CTNNA2: variants seen among roughly 807,000 people sequenced by gnomAD.
The protein encoded by CTNNA2 is catenin alpha 2, also known as catenin alpha-2.
Under a neutral mutation model 101.0 loss-of-function variants are expected in CTNNA2, and 42 were observed. The ratio of observed to expected loss-of-function variants is 0.42; its 90% confidence interval spans 0.32 to 0.54. The LOEUF is 0.54. Ranked by LOEUF, CTNNA2 falls within the 20% of genes least tolerant of loss-of-function variation. The pLI is 0.14. For missense variants in CTNNA2, 871 were observed against 1,223.1 expected, an observed-to-expected ratio of 0.71 and a Z score of 4.29; for synonymous variants, 450 against 456.4, an observed-to-expected ratio of 0.99 and a Z score of 0.18.
chr2:79,785,149 A>G (rs750567624), intron 3 of CTNNA2, among the ~76,000 whole-genome samples: 5 of 152,114 alleles, frequency 3.3e-5, no homozygotes, highest in Admixed American at 6.5e-5. Flanking sequence ...GTGTAGCCAG[A>G]GTGATCTTCT....
At chr2:79,805,965 A>G (rs1273647969) in intron 3 of CTNNA2, among the ~76,000 whole-genome samples, 3 of 152,066 alleles carry the variant, frequency 2.0e-5, no homozygotes, top group Admixed American at 2.0e-4. Context: ...AGTTTATAAG[A>G]AAAGAAAGAA....
rs551460972 is a variant in CTNNA2, at chr2:79,800,506, TA to T, written c.298+55932del. 4.8e-3 allele frequency among the ~76,000 whole-genome samples: 736 copies of T among 152,050 alleles called. 4 individuals carry two copies. The highest frequency in any genetic ancestry group is 6.4e-3 in the South Asian group (31 of 4,812). On this transcript the variant is annotated intron_variant, in intron 3 of 18. Transcript: ENST00000402739. ...CAAAATTGAAAAATACAGGAAATGC[TA>T]AAAAAAAGTCAGCTCAGATAATATT...
At chr2:79,263,054 C>T (rs1405620777) in intron 2 of CTNNA2, among the ~76,000 whole-genome samples, 1 of 151,984 alleles carries the variant, frequency 6.6e-6, no homozygotes, top group African/African-American at 2.4e-5. Context: ...ATAGAGTAGT[C>T]TATAAGATAC....
intron 7 of CTNNA2, among the ~76,000 whole-genome samples, chr2:80,038,984 G>A (rs1695854047): frequency 6.6e-6 from 1 of 152,204 alleles, no homozygotes; most frequent in African/African-American, 2.4e-5. Flanking sequence ...AGCTGAGACA[G>A]GAAGGCAGTC....
At chr2:80,320,770 A>G (rs1678602521) in intron 7 of CTNNA2, among the ~76,000 whole-genome samples, 1 of 152,246 alleles carries the variant, frequency 6.6e-6, no homozygotes, top group South Asian at 2.1e-4. Context: ...AGCTGTTTTT[A>G]CATAACCACA....
chr2:79,407,906 C>T (rs548055936), intron 4 of CTNNA2, among the ~76,000 whole-genome samples: 2 of 152,158 alleles, frequency 1.3e-5, no homozygotes, highest in African/African-American at 2.4e-5. Context: ...ACATAGTGTT[C>T]AGGATGTCAT....
chr2:80,354,374 C>T (rs1281122000), intron 7 of CTNNA2, among the ~76,000 whole-genome samples: 2 of 151,970 alleles, frequency 1.3e-5, no homozygotes, highest in Non-Finnish European at 2.9e-5. Context: ...TCTTTTTGTC[C>T]AATGCCATCA....
rs397973299 is a variant in CTNNA2, at chr2:79,294,241, G to GAAGAAGAA, written c.-405-18468_-405-18467insAAGAAGAA. On this transcript the variant is annotated intron_variant, in intron 2 of 21. Coordinates refer to the CTNNA2 transcript ENST00000466387. ...AAGAAGAAGAAGAAGAAGAAGAAGA[G>GAAGAAGAA]GAGGAGGAGGAGGAGGAGGAGAAGT... Among the ~76,000 whole-genome samples the GAAGAAGAA allele has an allele frequency of 2.2e-3, 292 of 133,246 alleles. 1 individual carries two copies. Among genetic ancestry groups the GAAGAAGAA allele is most frequent in the African/African-American group, 6.0e-3 (212 of 35,564 alleles). 87.4% of individuals were successfully genotyped at this position (133,246 alleles called of 152,430 possible).
chr2:80,039,039 G>C (rs1216464745), intron 7 of CTNNA2, among the ~76,000 whole-genome samples: 4 of 152,094 alleles, frequency 2.6e-5, no homozygotes, highest in Admixed American at 1.3e-4. Flanking sequence ...GATAATGCAG[G>C]GAGTGGAGGT....
At position 79,447,886 on chromosome 2, in the gene CTNNA2, G is replaced by A. The variant is rs553574465; in HGVS notation, c.-134-57168G>A. ...TTCTGGCTGCATTGATCTAACTGGAGGAGGGGCAAGAAGTTAAATATCAGT... is the reference window on the plus strand; with the variant it reads ...TTCTGGCTGCATTGATCTAACTGGAAGAGGGGCAAGAAGTTAAATATCAGT... On this transcript the variant is annotated intron_variant, in intron 4 of 21. Coordinates refer to the CTNNA2 transcript ENST00000466387. Among the ~76,000 whole-genome samples, 5 of 152,136 alleles carry A rather than the reference G, an allele frequency of 3.3e-5. No homozygotes were observed. The South Asian group carries it at 6.2e-4, about 19-fold the overall frequency.
intron 2 of CTNNA2, among the ~76,000 whole-genome samples, chr2:79,234,971 C>T (rs550743583): frequency 6.6e-6 from 1 of 152,274 alleles, no homozygotes; most frequent in Admixed American, 6.5e-5. Flanking sequence ...CAACTTTCTC[C>T]TTGATCCCAT....
intron 7 of CTNNA2, among the ~76,000 whole-genome samples, chr2:79,998,547 C>T (rs768234759): frequency 1.1e-4 from 16 of 152,140 alleles, no homozygotes; most frequent in Non-Finnish European, 1.8e-4. Context: ...ATATGGCAGA[C>T]TTGGAGCCTG....
chr2:79,823,251 T>C (rs1678159691), intron 3 of CTNNA2, among the ~76,000 whole-genome samples: 1 of 152,200 alleles, frequency 6.6e-6, no homozygotes, highest in Non-Finnish European at 1.5e-5. Context: ...ATTACCCAGG[T>C]ATAGGTTATA....
intron 4 of CTNNA2, among the ~76,000 whole-genome samples, chr2:79,480,709 T>C (rs1279479877): frequency 6.6e-6 from 1 of 152,222 alleles, no homozygotes; most frequent in African/African-American, 2.4e-5. Flanking sequence ...ATTTCAGCAA[T>C]AATGTTTTAT....
intron 9 of CTNNA2, among the ~76,000 whole-genome samples, chr2:80,479,752 T>C (rs1686005488): frequency 6.6e-6 from 1 of 152,210 alleles, no homozygotes; most frequent in South Asian, 2.1e-4. Flanking sequence ...TAGAAAGGGA[T>C]GTCCTCTAAT....
At chr2:79,935,927 G>T (rs1392248739) in intron 7 of CTNNA2, among the ~76,000 whole-genome samples, 1 of 152,196 alleles carries the variant, frequency 6.6e-6, no homozygotes, top group Non-Finnish European at 1.5e-5. Flanking sequence ...ACTGTCAAAG[G>T]ACATGACCAG....
chr2:80,474,833 G>A (rs528460258), intron 9 of CTNNA2, among the ~76,000 whole-genome samples: 5 of 152,316 alleles, frequency 3.3e-5, no homozygotes, highest in Non-Finnish European at 7.4e-5. Flanking sequence ...AAGGACAAAA[G>A]CAAGGAAATT....
intron 2 of CTNNA2, among the ~76,000 whole-genome samples, chr2:79,733,619 A>G (rs1220416264): frequency 6.6e-6 from 1 of 150,770 alleles, no homozygotes; most frequent in African/African-American, 2.5e-5. Context: ...TTCCCTCAAG[A>G]TACCCCATTT....
intron 11 of CTNNA2, among the ~76,000 whole-genome samples, chr2:80,549,737 A>C (rs1175698815): frequency 2.0e-5 from 3 of 152,140 alleles, no homozygotes; most frequent in African/African-American, 7.2e-5. Flanking sequence ...ACACCTCAGA[A>C]TAAAAGTGTG....
Sources: allele counts gnomAD v4.1 joint callset (sites outside exome capture counted in the v4.1 genomes callset), GRCh38; gene constraint gnomAD v4.1.1; transcripts MANE v1.5; gene names NCBI Gene and HGNC (gene_info 2026-07-23, HGNC 2026-07-21).